Variants in SNX7 observed in about 807,000 individuals in gnomAD.
SNX7 encodes the protein sorting nexin 7.
Under a neutral mutation model 48.4 loss-of-function variants are expected in SNX7, and 35 were observed. The ratio of observed to expected loss-of-function variants is 0.72; its 90% CI spans 0.55 to 0.96. The LOEUF is 0.96. SNX7 is among the 40% of genes least tolerant of loss of function. The probability of loss-of-function intolerance (pLI) is 0.00; values close to 1 mark genes in which losing one functional copy is unlikely to be tolerated. For synonymous variants in SNX7, 190 were observed against 190.2 expected, an observed-to-expected ratio of 1.00 and a Z score of 0.01; for missense variants, 553 against 548.9, an observed-to-expected ratio of 1.01 and a Z score of -0.07.
intron 1 of SNX7, among the ~76,000 whole-genome samples, chr1:98,671,008 G>A (rs1254757586): frequency 2.6e-5 from 4 of 152,106 alleles, no homozygotes; most frequent in Non-Finnish European, 5.9e-5. Flanking sequence ...CTTTATTTCC[G>A]TGAGTTTTAA....
chr1:98,695,488 C>T (rs767341897), intron 4 of SNX7, 30 bp from the exon 5 acceptor site: 1 of 1,595,604 alleles, frequency 6.3e-7, no homozygotes, highest in Non-Finnish European at 8.6e-7. Context: ...AGACTTGTTT[C>T]ACTAGAAATA....
chr1:98,698,690 CTT>C lies in SNX7; in HGVS notation c.839-4_839-3del, dbSNP rs77052435. On this transcript the variant is annotated splice_polypyrimidine_tract_variant and intron_variant, in intron 5 of 8. Transcript: ENST00000306121. ...TTGTTTATTGAAGAGCTTATTAAGTCTTTTTTTTTTTTTAGAATATTTTGATG... is the reference window on the plus strand; with the variant it reads ...TTGTTTATTGAAGAGCTTATTAAGTCTTTTTTTTTTTAGAATATTTTGATG... 6.5e-4 allele frequency: 855 copies of C among 1,310,192 alleles called. No homozygotes were observed. The highest frequency in any genetic ancestry group is 1.2e-3 in the Middle Eastern group (6 of 5,060). 81.2% of individuals were successfully genotyped at this position (1,310,192 alleles called of 1,614,324 possible).
chr1:98,747,178 T>C (rs1045740009), intron 8 of SNX7, among the ~76,000 whole-genome samples: 3 of 152,146 alleles, frequency 2.0e-5, no homozygotes, highest in Non-Finnish European at 4.4e-5. Context: ...ATGGTTGTGA[T>C]TGTGAATCTG....
At chr1:98,667,152 A>G (rs1241091422) in intron 1 of SNX7, among the ~76,000 whole-genome samples, 3 of 152,210 alleles carry the variant, frequency 2.0e-5, no homozygotes, top group Non-Finnish European at 4.4e-5. Context: ...TTATACGACT[A>G]TGTTTTCAGA....
At chr1:98,694,246 T>C (rs930418169) in intron 4 of SNX7, among the ~76,000 whole-genome samples, 18 of 151,668 alleles carry the variant, frequency 1.2e-4, no homozygotes, top group African/African-American at 3.9e-4. Flanking sequence ...GGTGGGCACC[T>C]GTAATCCCAG....
At chr1:98,749,416 G>A (rs539888490) in intron 8 of SNX7, among the ~76,000 whole-genome samples, 2 of 152,192 alleles carry the variant, frequency 1.3e-5, no homozygotes, top group South Asian at 2.1e-4. Context: ...ATAATTACAA[G>A]TGTACACTTA....
intron 7 of SNX7, among the ~76,000 whole-genome samples, chr1:98,732,742 A>G (rs1335887307): frequency 1.3e-5 from 2 of 152,094 alleles, no homozygotes; most frequent in Admixed American, 1.3e-4. Context: ...ACAGATTTAT[A>G]TATTTACGTG....
chr1:98,672,909 C>T (rs1372500279), intron 1 of SNX7, among the ~76,000 whole-genome samples: 108 of 107,980 alleles, frequency 1.0e-3, no homozygotes, highest in Non-Finnish European at 1.7e-3. Flanking sequence ...CCGGCCTGGG[C>T]GACAGAGCGA....
chr1:98,726,709 G>A (rs1653193619), intron 7 of SNX7, among the ~76,000 whole-genome samples: 3 of 152,006 alleles, frequency 2.0e-5, no homozygotes, highest in Admixed American at 2.0e-4. Context: ...AGTTTGGAGG[G>A]TACTTATTTT....
At chr1:98,715,882 G>A (rs1652564830) in intron 7 of SNX7, among the ~76,000 whole-genome samples, 1 of 151,912 alleles carries the variant, frequency 6.6e-6, no homozygotes, top group Non-Finnish European at 1.5e-5. Context: ...TTCTGTATGA[G>A]CAGAGCTAGG....
chr1:98,690,686 A>G (rs1054737399), intron 2 of SNX7, among the ~76,000 whole-genome samples: 18 of 152,108 alleles, frequency 1.2e-4, no homozygotes, highest in African/African-American at 4.1e-4. Flanking sequence ...TCAAATTCTG[A>G]ATTCTAATCA....
chr1:98,697,589 G>A (rs1157030540), intron 5 of SNX7, among the ~76,000 whole-genome samples: 1 of 151,946 alleles, frequency 6.6e-6, no homozygotes, highest in African/African-American at 2.4e-5. Context: ...AACACTGAAT[G>A]GTCTTTGGTT....
rs1383656371 is a variant in SNX7, at chr1:98,703,640, CTT to C, written c.1125+1739_1125+1740del. 2.0e-3 allele frequency among the ~76,000 whole-genome samples: 302 copies of C among 151,958 alleles called. 1 individual carries two copies. Among genetic ancestry groups the C allele is most frequent in the Non-Finnish European group, 2.4e-3 (166 of 67,962 alleles). On this transcript the variant is annotated intron_variant, in intron 7 of 8. Coordinates refer to ENST00000306121, the MANE Select transcript of SNX7 (RefSeq NM_015976.5). ...TAAGAAACAATTGACTCCTAACACT[CTT>C]TCTATATATAGTTAAGAAACATATA...
intron 8 of SNX7, among the ~76,000 whole-genome samples, chr1:98,748,670 A>ACACACACT (rs1156286004): frequency 2.0e-5 from 3 of 151,668 alleles, no homozygotes; most frequent in Non-Finnish European, 4.4e-5. Flanking sequence ...ACACACACAC[A>ACACACACT]CACTGCATTT....
At position 98,690,070 on chromosome 1, in the gene SNX7, A is replaced by G. The variant is rs1396625159; in HGVS notation, c.364-1005A>G. On this transcript the variant is annotated intron_variant, in intron 2 of 8. Transcript: ENST00000306121. ...CTTATTTTATGACATTGAAGATTGCATCTTATGACTTGGACTGTTTAATTT... is the reference window on the plus strand; with the variant it reads ...CTTATTTTATGACATTGAAGATTGCGTCTTATGACTTGGACTGTTTAATTT... 2.0e-5 allele frequency among the ~76,000 whole-genome samples: 3 copies of G among 152,156 alleles called. No individual in the cohort carries two copies. In the East Asian group the frequency reaches 5.8e-4, roughly 29 times the overall value.
intron 1 of SNX7, among the ~76,000 whole-genome samples, chr1:98,673,758 A>G (rs1650006885): frequency 1.3e-5 from 2 of 152,240 alleles, no homozygotes; most frequent in Admixed American, 1.3e-4. Context: ...TATCATCCCT[A>G]TACCACAAAT....
intron 7 of SNX7, among the ~76,000 whole-genome samples, chr1:98,725,795 C>G (rs1444449662): frequency 3.9e-5 from 6 of 152,102 alleles, no homozygotes; most frequent in Non-Finnish European, 5.9e-5. Context: ...GCGTGGCAAC[C>G]TAAGTTTCTA....
At chr1:98,693,172 A>AGATGGATG (rs10589894) in intron 4 of SNX7, among the ~76,000 whole-genome samples, 3,245 of 151,254 alleles carry the variant, frequency 0.021, 117 homozygotes, top group African/African-American at 0.075. Context: ...GGATGAATGG[A>AGATGGATG]GATGGATGGA....
At chr1:98,708,993 C>T (rs1027975476) in intron 7 of SNX7, among the ~76,000 whole-genome samples, 3 of 152,084 alleles carry the variant, frequency 2.0e-5, no homozygotes, top group Non-Finnish European at 4.4e-5. Flanking sequence ...GGTCTTAATC[C>T]CAGTTGCAGA....
Sources: gnomAD v4.1 joint callset for allele counts (sites outside exome capture counted in the v4.1 genomes callset) on GRCh38, gnomAD v4.1.1 for gene constraint, MANE v1.5 for transcripts, NCBI Gene and HGNC (gene_info 2026-07-23, HGNC 2026-07-21) for gene names.